The following PLA2G6 variants were observed in gnomAD, a reference collection of about 807,000 sequenced individuals.
PLA2G6 encodes 85/88 kDa calcium-independent phospholipase A2.
A neutral mutation model predicts 83.8 loss-of-function variants in PLA2G6; 62 were observed. The ratio of observed to expected loss-of-function variants is 0.74; its 90% CI spans 0.60 to 0.91. The LOEUF (loss-of-function observed/expected upper bound fraction) is 0.91. PLA2G6 is among the 40% of genes least tolerant of loss of function. The probability of loss-of-function intolerance (pLI) is 0.00; values close to 1 mark genes in which losing one functional copy is unlikely to be tolerated. For synonymous variants in PLA2G6, 417 were observed against 449.8 expected (o/e 0.93, Z 0.92); for missense variants, 944 against 1,102.0 (o/e 0.86, Z 2.03).
intron 4 of PLA2G6, chr22:38,141,445 T>A (rs1035589441): frequency 6.6e-6 from 1 of 152,240 alleles, no homozygotes; most frequent in African/African-American, 2.4e-5. Flanking sequence ...AGTGTACCCA[T>A]GTGACACCAG....
Position 38,128,889 on chromosome 22 carries a change from G to GCA in PLA2G6, c.1187-461_1187-460dup, listed in dbSNP as rs139335123. Reference sequence around the variant, plus strand: ...CATGCAGACACACACGTGTGCACTGGCACACACACACTGCTGCCATCAGGT... The same window carrying GCA: ...CATGCAGACACACACGTGTGCACTGGCACACACACACACTGCTGCCATCAGGT... On this transcript the variant is annotated intron_variant, in intron 8 of 16. Coordinates refer to ENST00000332509, the MANE Select transcript of PLA2G6 (RefSeq NM_003560.4). This position sits in a 1 kb window ranked among gnomAD's most constrained non-coding sequence, Gnocchi z 4.4. Among the ~76,000 whole-genome samples, 2 of 152,192 alleles carry GCA rather than the reference G, an allele frequency of 1.3e-5. No individual in the cohort carries two copies. Among genetic ancestry groups the GCA allele is most frequent in the Admixed American group, 1.3e-4 (2 of 15,280 alleles).
Position 38,128,259 on chromosome 22 carries a change from C to T in PLA2G6, c.1348+10G>A, listed in dbSNP as rs761202760. ...AGCTGGAGAAGAGGGAGTCGGGAGGCGAGGCCTACCTAGGTTGTTTAGGCT... is the reference window on the plus strand; with the variant it reads ...AGCTGGAGAAGAGGGAGTCGGGAGGTGAGGCCTACCTAGGTTGTTTAGGCT... On this transcript the variant is annotated intron_variant, in intron 9 of 16. Coordinates refer to ENST00000332509, the MANE Select transcript of PLA2G6 (RefSeq NM_003560.4). The surrounding 1 kb of genome is among the most constrained non-coding windows in gnomAD (Gnocchi z 4.4). The T allele has an allele frequency of 1.2e-5, 19 of 1,612,018 alleles. No homozygotes were observed. The highest frequency in any genetic ancestry group is 2.2e-5 in the East Asian group (1 of 44,886).
At chr22:38,118,935 A>AT (rs1022536738) in intron 12 of PLA2G6, among the ~76,000 whole-genome samples, 42 of 150,760 alleles carry the variant, frequency 2.8e-4, no homozygotes, top group African/African-American at 1.0e-3. Context: ...TTAGTTTTAA[A>AT]TTTTTTGTAG....
chr22:38,159,373 T>C (rs1215060800), intron 2 of PLA2G6, among the ~76,000 whole-genome samples: 3 of 152,172 alleles, frequency 2.0e-5, no homozygotes, highest in Non-Finnish European at 2.9e-5. Flanking sequence ...TTTTAAAAGC[T>C]TCCCACAAAT....
At position 38,123,049 on chromosome 22, in the gene PLA2G6, A is replaced by C; in HGVS notation, c.1591+46T>G. ...AAGACAAACTCGGCCCCTTGAGGACACAGGTCTCAGCCCCGCCTGGCCCCA... is the reference window on the plus strand; with the variant it reads ...AAGACAAACTCGGCCCCTTGAGGACCCAGGTCTCAGCCCCGCCTGGCCCCA... On this transcript the variant is annotated intron_variant, in intron 11 of 16. Coordinates refer to ENST00000332509, the MANE Select transcript of PLA2G6 (RefSeq NM_003560.4). This position sits in a 1 kb window ranked among gnomAD's most constrained non-coding sequence, Gnocchi z 4.1. The C allele has an allele frequency of 6.6e-7, 1 of 1,526,590 alleles. No individual in the cohort carries two copies. The highest frequency in any genetic ancestry group is 8.8e-7 in the Non-Finnish European group (1 of 1,131,610). 94.6% of individuals were successfully genotyped at this position (1,526,590 alleles called of 1,614,324 possible).
Position 38,132,378 on chromosome 22 carries a change from C to T in PLA2G6, c.1077+453G>A. 3.2e-6 allele frequency: 1 copy of T among 316,164 alleles called. No homozygotes were observed. The allele number at this position is 316,164 out of a possible 1,614,324, so 19.6% of individuals were successfully genotyped here. A position where few individuals can be genotyped will look rare whatever the true frequency, so the allele number is the denominator to read the frequency against. Reference sequence around the variant, plus strand: ...CGGACCAGTGAAGGGAAGCAGGATGCTCACTCGGGCCAGGTACTGCGTGTG... The same window carrying T: ...CGGACCAGTGAAGGGAAGCAGGATGTTCACTCGGGCCAGGTACTGCGTGTG... On this transcript the variant is annotated intron_variant, in intron 7 of 16. Coordinates refer to ENST00000332509, the MANE Select transcript of PLA2G6 (RefSeq NM_003560.4). The surrounding 1 kb of genome is among the most constrained non-coding windows in gnomAD (Gnocchi z 5.0).
intron 12 of PLA2G6, among the ~76,000 whole-genome samples, chr22:38,116,730 A>C (rs992718259): frequency 6.6e-6 from 1 of 151,856 alleles, no homozygotes; most frequent in Non-Finnish European, 1.5e-5. Flanking sequence ...GCATGCCTGT[A>C]ATCCCAGCTA....
chr22:38,123,195 G>A lies in PLA2G6; in HGVS notation c.1491C>T (p.Leu497=). 1 of 1,553,788 alleles carries A rather than the reference G, an allele frequency of 6.4e-7. No homozygotes were observed. The highest frequency in any genetic ancestry group is 8.7e-7 in the Non-Finnish European group (1 of 1,148,474). Residue 497 remains leucine, a synonymous_variant, in exon 11 of 17, where the codon CTC becomes CTT. Transcript: ENST00000332509. The surrounding 1 kb of genome is among the most constrained non-coding windows in gnomAD (Gnocchi z 4.1). ...CACCCGAGGCCTTCTCGATGGCGATGAGGAGCTGGATGATGATGAGGCCTT... is the reference window on the plus strand; with the variant it reads ...CACCCGAGGCCTTCTCGATGGCGATAAGGAGCTGGATGATGATGAGGCCTT... ...GVKGLIIIQL[L]IAIEKASGVA... is the part of the protein sequence containing the mutation.
chr22:38,139,781 G>A (rs927435135), intron 5 of PLA2G6: 20 of 588,482 alleles, frequency 3.4e-5, no homozygotes, highest in Admixed American at 2.9e-4. Flanking sequence ...CTTGTGAACC[G>A]AGATTCCTAC....
At chr22:38,154,191 A>C (rs988380685) in intron 2 of PLA2G6, among the ~76,000 whole-genome samples, 1 of 152,182 alleles carries the variant, frequency 6.6e-6, no homozygotes, top group African/African-American at 2.4e-5. Context: ...CCTTGAAGGG[A>C]AGGACATAAT....
chr22:38,114,267 G>A (rs1277547079), intron 14 of PLA2G6, among the ~76,000 whole-genome samples: 1 of 150,056 alleles, frequency 6.7e-6, no homozygotes, highest in African/African-American at 2.5e-5. Flanking sequence ...TGCAAGCTCC[G>A]CCTCCTGGGT....
chr22:38,176,171 C>T (rs1441260439), intron 1 of PLA2G6, among the ~76,000 whole-genome samples: 1 of 152,180 alleles, frequency 6.6e-6, no homozygotes, highest in African/African-American at 2.4e-5. Context: ...CTGATCCATC[C>T]CCAGGCTTCG....
At chr22:38,129,385 CCCT>C in intron 8 of PLA2G6, 66 bp downstream of exon 8, 2 of 1,091,204 alleles carry the variant, frequency 1.8e-6, no homozygotes, top group Non-Finnish European at 2.8e-6. Flanking sequence ...CCTGGGACTT[CCCT>C]CCTCCTCGGT....
In PLA2G6 at chr22:38,132,614, C is replaced by T; in HGVS notation, c.1077+217G>A. 1.7e-6 allele frequency: 1 copy of T among 593,484 alleles called. No homozygotes were observed. Among genetic ancestry groups the T allele is most frequent in the East Asian group, 2.8e-5 (1 of 35,822 alleles). 36.8% of individuals were successfully genotyped at this position (593,484 alleles called of 1,614,324 possible). ...ATGGGGGCACAGGTGGAAAAGGTAC[C>T]ACAGCACACAGGAGGTGGTGTTATT... On this transcript the variant is annotated intron_variant, in intron 7 of 16. Transcript: ENST00000332509. The surrounding 1 kb of genome is among the most constrained non-coding windows in gnomAD (Gnocchi z 5.0).
At chr22:38,150,096 A>C (rs920046498) in intron 2 of PLA2G6, 1 of 151,902 alleles carries the variant, frequency 6.6e-6, no homozygotes, top group Non-Finnish European at 1.5e-5. Context: ...AAAACAAGAA[A>C]GCCCCAGAAA....
chr22:38,163,820 T>C (rs1180419950), intron 2 of PLA2G6: 1 of 160,288 alleles, frequency 6.2e-6, no homozygotes, highest in Non-Finnish European at 1.5e-5. Flanking sequence ...TTGGTGAAGA[T>C]GGGATGTGGG....
intron 5 of PLA2G6, 21 bp from the exon 6 acceptor site, chr22:38,135,105 G>C (rs1346921343): frequency 6.3e-7 from 1 of 1,580,196 alleles, no homozygotes; most frequent in African/African-American, 1.3e-5. Context: ...AGGGGCCCCG[G>C]TTGGTGAGCA....
intron 10 of PLA2G6, among the ~76,000 whole-genome samples, chr22:38,124,972 T>C (rs1007452718): frequency 6.6e-6 from 1 of 151,912 alleles, no homozygotes; most frequent in African/African-American, 2.4e-5. Flanking sequence ...TACCGAGGGG[T>C]CTCCTGACTC....
At chr22:38,178,499 G>C (rs190778616) in intron 1 of PLA2G6, among the ~76,000 whole-genome samples, 31 of 152,278 alleles carry the variant, frequency 2.0e-4, no homozygotes, top group Middle Eastern at 3.4e-3. Context: ...CTTAAGTCTA[G>C]CAGGTCGAGG....
Sources: gnomAD v4.1 joint callset for allele counts (sites outside exome capture counted in the v4.1 genomes callset) on GRCh38, gnomAD v4.1.1 for gene constraint, Gnocchi (gnomAD v3.1) non-coding constraint, MANE v1.5 for transcripts, NCBI Gene and HGNC (gene_info 2026-07-23, HGNC 2026-07-21) for gene names.